The following SOX6 variants were observed in gnomAD, a reference collection of about 807,000 sequenced individuals.
SOX6 encodes the protein transcription factor SOX-6.
SOX6 carries 11 observed loss-of-function variants against 97.8 expected under a neutral mutation model. The ratio of observed to expected loss-of-function variants is 0.11; its 90% CI spans 0.07 to 0.19. The LOEUF is 0.19. SOX6 is among the 10% of genes least tolerant of loss of function. The pLI is 1.00. For missense variants in SOX6, 810 were observed against 1,039.5 expected, an observed-to-expected ratio of 0.78 and a Z score of 3.04; for synonymous variants, 360 against 371.4, an observed-to-expected ratio of 0.97 and a Z score of 0.35.
At chr11:16,590,047 A>G (rs143794260) in intron 4 of SOX6, among the ~76,000 whole-genome samples, 19 of 152,348 alleles carry the variant, frequency 1.2e-4, no homozygotes, top group African/African-American at 2.6e-4. Context: ...ACATTCCCTT[A>G]ACTAAAAATC....
intron 3 of SOX6, among the ~76,000 whole-genome samples, chr11:16,624,184 T>TTTATTTATTTA (rs72263018): frequency 1.4e-5 from 2 of 147,328 alleles, no homozygotes; most frequent in Non-Finnish European, 3.0e-5. Context: ...TATTTTTTTA[T>TTTATTTATTTA]TTTATTTATT....
chr11:16,560,192 T>C (rs1221575457), intron 4 of SOX6, among the ~76,000 whole-genome samples: 2 of 152,128 alleles, frequency 1.3e-5, no homozygotes, highest in Non-Finnish European at 2.9e-5. Context: ...CAAGGAACTG[T>C]TAACCCCAGT....
chr11:15,992,331 A>G (rs1019146871), intron 13 of SOX6, among the ~76,000 whole-genome samples: 9 of 152,178 alleles, frequency 5.9e-5, no homozygotes, highest in Admixed American at 5.9e-4. Context: ...TGAATCTGAT[A>G]CCTGATCAAC....
At chr11:16,468,943 C>T (rs1232876753) in intron 1 of SOX6, among the ~76,000 whole-genome samples, 2 of 151,950 alleles carry the variant, frequency 1.3e-5, no homozygotes, top group African/African-American at 2.4e-5. Context: ...AATGTTCCAC[C>T]GCGCATGTTT....
Position 16,626,297 on chromosome 11 carries a change from A to C in SOX6, n.430-14037T>G, listed in dbSNP as rs573533181. Among the ~76,000 whole-genome samples the C allele has an allele frequency of 2.0e-5, 3 of 152,310 alleles. No individual in the cohort carries two copies. In the East Asian group the frequency reaches 5.8e-4, roughly 29 times the overall value. On this transcript the variant is annotated intron_variant and non_coding_transcript_variant, in intron 3 of 5. Transcript: ENST00000524520. The stretch of plus-strand genomic sequence containing the variant: ...CCCATACAGATAGCCAGTTGTTCTG[A>C]CAGCATTTTTTAGACTATCATTTTC...
intron 7 of SOX6, among the ~76,000 whole-genome samples, chr11:16,100,676 C>A (rs939477818): frequency 1.1e-4 from 16 of 151,000 alleles, no homozygotes; most frequent in African/African-American, 3.6e-4. Context: ...GTACTAAGAA[C>A]CTACAACCCA....
intron 4 of SOX6, among the ~76,000 whole-genome samples, chr11:16,592,874 C>A (rs961023124): frequency 1.3e-5 from 2 of 152,008 alleles, no homozygotes; most frequent in African/African-American, 4.8e-5. Flanking sequence ...CTCAGAGAAT[C>A]CCTGCAAATA....
chr11:16,545,158 G>T (rs10832642), intron 4 of SOX6, among the ~76,000 whole-genome samples: 37,439 of 151,878 alleles, frequency 0.25, 5,119 homozygotes, highest in East Asian at 0.48. Context: ...CAATAGAAAT[G>T]ATTGAAGTTG....
chr11:16,222,042 CTT>C (rs1852553159), intron 4 of SOX6, among the ~76,000 whole-genome samples: 1 of 152,122 alleles, frequency 6.6e-6, no homozygotes, highest in South Asian at 2.1e-4. Context: ...ATACTCCTCT[CTT>C]TAACTCCATA....
At chr11:16,253,141 A>G (rs1218513367) in intron 3 of SOX6, among the ~76,000 whole-genome samples, 1 of 152,160 alleles carries the variant, frequency 6.6e-6, no homozygotes, top group Non-Finnish European at 1.5e-5. Context: ...TGAGGTAGGG[A>G]GTTCGAGACC....
intron 1 of SOX6, among the ~76,000 whole-genome samples, chr11:16,423,543 T>C (rs1859062093): frequency 6.6e-6 from 1 of 152,078 alleles, no homozygotes; most frequent in African/African-American, 2.4e-5. Context: ...ACCACTGCAA[T>C]AATACATAAA....
intron 12 of SOX6, among the ~76,000 whole-genome samples, chr11:16,041,398 AG>A (rs1855659022): frequency 2.0e-5 from 3 of 152,096 alleles, no homozygotes; most frequent in Admixed American, 2.0e-4. Flanking sequence ...TTCCAATAAA[AG>A]GGGGCAGTAT....
intron 1 of SOX6, among the ~76,000 whole-genome samples, chr11:16,442,921 A>G (rs530227773): frequency 2.6e-5 from 4 of 152,302 alleles, no homozygotes; most frequent in Non-Finnish European, 4.4e-5. Flanking sequence ...TTCCAGGTTC[A>G]TATCAGGAAA....
intron 4 of SOX6, among the ~76,000 whole-genome samples, chr11:16,599,146 A>G (rs1265076961): frequency 1.3e-5 from 2 of 152,188 alleles, no homozygotes; most frequent in African/African-American, 2.4e-5. Context: ...AAAGGATTTA[A>G]TAATATCACG....
intron 14 of SOX6, 92 bp downstream of exon 14, chr11:15,988,905 A>G: frequency 1.6e-6 from 2 of 1,282,106 alleles, no homozygotes; most frequent in Admixed American, 3.5e-5. Context: ...AATCTCCCTT[A>G]GGATCCTAGT....
At chr11:16,559,418 G>T (rs1202592159) in intron 4 of SOX6, among the ~76,000 whole-genome samples, 1 of 151,930 alleles carries the variant, frequency 6.6e-6, no homozygotes, top group African/African-American at 2.4e-5. Flanking sequence ...TCTCGTTGCT[G>T]CCCCCTGATC....
intron 3 of SOX6, among the ~76,000 whole-genome samples, chr11:16,637,904 G>A (rs1848815888): frequency 6.6e-6 from 1 of 151,926 alleles, no homozygotes; most frequent in African/African-American, 2.4e-5. Context: ...TTGGACATAG[G>A]GTCTCATTCT....
rs919663267 is a variant in SOX6, at chr11:16,056,989, C to A, written c.1102-1088G>T. 6.6e-5 allele frequency among the ~76,000 whole-genome samples: 10 copies of A among 152,202 alleles called. No homozygotes were observed. The East Asian group carries it at 1.9e-3, about 29-fold the overall frequency. On this transcript the variant is annotated intron_variant, in intron 9 of 15. Coordinates refer to ENST00000683767, the MANE Select transcript of SOX6 (RefSeq NM_001367873.1). ...ACCAAAACAACAACAACAAAAAGAG[C>A]ATGACCAAAATGTACAGTGCACAGT...
chr11:16,077,812 A>C (rs75282475), intron 9 of SOX6, among the ~76,000 whole-genome samples: 3,623 of 152,270 alleles, frequency 0.024, 145 homozygotes, highest in African/African-American at 0.082. Flanking sequence ...ACTTGAAGGC[A>C]GAGAGTAAGA....
Sources: gnomAD v4.1 joint callset for allele counts (sites outside exome capture counted in the v4.1 genomes callset) on GRCh38, gnomAD v4.1.1 for gene constraint, MANE v1.5 for transcripts, NCBI Gene and HGNC (gene_info 2026-07-23, HGNC 2026-07-21) for gene names.